Variants in PPARD observed in about 807,000 individuals in gnomAD.
The protein encoded by PPARD is peroxisome proliferator-activated receptor delta.
A neutral mutation model predicts 39.5 loss-of-function variants in PPARD; 6 were observed. The ratio of observed to expected loss-of-function variants is 0.15; its 90% CI spans 0.08 to 0.30. PPARD has a LOEUF of 0.30. Among genes scored for constraint, PPARD ranks in the 10% least tolerant of loss-of-function variants. The probability of loss-of-function intolerance (pLI) is 1.00; values close to 1 mark genes in which losing one functional copy is unlikely to be tolerated. For synonymous variants in PPARD, 210 were observed against 231.3 expected, an observed-to-expected ratio of 0.91 and a Z score of 0.83; for missense variants, 397 against 596.8, an observed-to-expected ratio of 0.67 and a Z score of 3.49.
Position 35,418,212 on chromosome 6 carries a change from G to A in PPARD, c.131-1915G>A, listed in dbSNP as rs138230457. Among the ~76,000 whole-genome samples the A allele has an allele frequency of 4.0e-3, 607 of 152,382 alleles. 4 individuals are homozygous for A. The highest frequency in any genetic ancestry group is 0.013 in the African/African-American group (542 of 41,588). On this transcript the variant is annotated intron_variant, in intron 3 of 7. Transcript: ENST00000360694. Reference sequence around the variant, plus strand: ...CGAGCATATGCTCACGGACTGCACAGATTCAAGGAGGAAGTGCCAGAAACC... The same window carrying A: ...CGAGCATATGCTCACGGACTGCACAAATTCAAGGAGGAAGTGCCAGAAACC...
At position 35,401,533 on chromosome 6, in the gene PPARD, C is replaced by T. The variant is rs1764692533; in HGVS notation, c.-101-9454C>T. ...CTTACCCTTCAAGACGCTGAGTGACCTCTAGCCACAGCCCTTCTCTCTACC... is the reference window on the plus strand; with the variant it reads ...CTTACCCTTCAAGACGCTGAGTGACTTCTAGCCACAGCCCTTCTCTCTACC... On this transcript the variant is annotated intron_variant, in intron 2 of 7. Coordinates refer to ENST00000360694, the MANE Select transcript of PPARD (RefSeq NM_006238.5). The surrounding 1 kb of genome is among the most constrained non-coding windows in gnomAD (Gnocchi z 4.1). Among the ~76,000 whole-genome samples, 1 of 152,172 alleles carries T rather than the reference C, an allele frequency of 6.6e-6. No individual in the cohort carries two copies. The highest frequency in any genetic ancestry group is 2.4e-5 in the African/African-American group (1 of 41,428).
chr6:35,397,886 G>C lies in PPARD; in HGVS notation c.-101-13101G>C, dbSNP rs1246103768. Among the ~76,000 whole-genome samples, 3 of 152,322 alleles carry C rather than the reference G, an allele frequency of 2.0e-5. No homozygotes were observed. In the South Asian group the frequency reaches 6.2e-4, roughly 32 times the overall value. On this transcript the variant is annotated intron_variant, in intron 2 of 7. Coordinates refer to ENST00000360694, the MANE Select transcript of PPARD (RefSeq NM_006238.5). ...CACTGAGATGGCCACATTTGAGAAA[G>C]GACCTGAAGAAGGTGAGGCAGTGAG...
chr6:35,422,580 G>A (rs551406823), intron 5 of PPARD, among the ~76,000 whole-genome samples: 39 of 152,266 alleles, frequency 2.6e-4, no homozygotes, highest in African/African-American at 8.2e-4. Flanking sequence ...AGAGGACAGG[G>A]GAGAGCCTCT....
At chr6:35,361,599 G>A (rs1360484859) in intron 2 of PPARD, among the ~76,000 whole-genome samples, 1 of 152,240 alleles carries the variant, frequency 6.6e-6, no homozygotes, top group Non-Finnish European at 1.5e-5. Flanking sequence ...TCCAGTGATT[G>A]TTTGTGGAGC....
chr6:35,342,840 TGCTCCGGCCC>T (rs1463058494), intron 1 of PPARD, among the ~76,000 whole-genome samples, 159 bp downstream of exon 1: 1 of 152,172 alleles, frequency 6.6e-6, no homozygotes, highest in East Asian at 1.9e-4. Context: ...GGCTTCCTGA[TGCTCCGGCCC>T]GCTCCGGTCA....
At chr6:35,404,149 A>G (rs1351078820) in intron 2 of PPARD, among the ~76,000 whole-genome samples, 1 of 152,158 alleles carries the variant, frequency 6.6e-6, no homozygotes, top group Admixed American at 6.5e-5. Flanking sequence ...CTTACCCAGC[A>G]CCATATATGA....
intron 1 of PPARD, among the ~76,000 whole-genome samples, chr6:35,343,070 C>T (rs116213531): frequency 0.017 from 2,609 of 152,274 alleles, 31 homozygotes; most frequent in Admixed American, 0.025. Context: ...TGCCTCTGAC[C>T]TCTTCCTTCA....
intron 5 of PPARD, among the ~76,000 whole-genome samples, chr6:35,423,571 T>C (rs1305803463): frequency 6.7e-6 from 1 of 148,934 alleles, no homozygotes; most frequent in African/African-American, 2.5e-5. Flanking sequence ...AGTGAAGGAG[T>C]CTGCCCCAAG....
At chr6:35,348,359 G>A in intron 2 of PPARD, 1 of 985,386 alleles carries the variant, frequency 1.0e-6, no homozygotes, top group South Asian at 4.7e-5. Flanking sequence ...TTCCATCTCT[G>A]CAGGGGTAGG....
chr6:35,420,371 G>A, intron 4 of PPARD, 90 bp downstream of exon 4: 1 of 1,464,752 alleles, frequency 6.8e-7, no homozygotes, highest in Non-Finnish European at 9.1e-7. Context: ...CCTTGGGGTG[G>A]GGCCCTGACT....
chr6:35,367,801 G>T (rs1762283307), intron 2 of PPARD, among the ~76,000 whole-genome samples: 1 of 152,244 alleles, frequency 6.6e-6, no homozygotes, highest in Non-Finnish European at 1.5e-5. Flanking sequence ...GGCCAAGACA[G>T]TGGAAGCCAG....
Position 35,426,023 on chromosome 6 carries a change from G to A in PPARD, c.1270G>A (p.Glu424Lys). The A allele has an allele frequency of 6.2e-7, 1 of 1,613,956 alleles. No homozygotes were observed. The highest frequency in any genetic ancestry group is 8.5e-7 in the Non-Finnish European group (1 of 1,180,024). Residue 424 changes from glutamate to lysine, a missense_variant, in exon 8 of 8, where the codon GAA becomes AAA. Coordinates refer to ENST00000360694, the MANE Select transcript of PPARD (RefSeq NM_006238.5). ...GATGATGCAGCGGATCAAGAAGACC[G>A]AAACCGAGACCTCGCTGCACCCTCT... ...AQMMQRIKKT[E>K]TETSLHPLLQ...
intron 2 of PPARD, among the ~76,000 whole-genome samples, chr6:35,406,527 TA>T (rs1241718144): frequency 6.6e-6 from 1 of 152,096 alleles, no homozygotes. Context: ...CAGTTCAATC[TA>T]AATAGGAGCA....
chr6:35,366,495 T>C lies in PPARD; in HGVS notation c.-102+19345T>C, dbSNP rs1168977014. Among the ~76,000 whole-genome samples, 1 of 151,450 alleles carries C rather than the reference T, an allele frequency of 6.6e-6. No homozygotes were observed. The highest frequency in any genetic ancestry group is 1.9e-4 in the East Asian group (1 of 5,200). ...GGAGAGAGATACACAGGCAGAGGCCTAGATTAGGAGATGGCTATAGTAGTA... is the reference window on the plus strand; with the variant it reads ...GGAGAGAGATACACAGGCAGAGGCCCAGATTAGGAGATGGCTATAGTAGTA... On this transcript the variant is annotated intron_variant, in intron 2 of 7. Transcript: ENST00000360694. This position sits in a 1 kb window ranked among gnomAD's most constrained non-coding sequence, Gnocchi z 4.6.
At chr6:35,420,489 G>T (rs537102439) in intron 4 of PPARD, among the ~76,000 whole-genome samples, 2 of 152,312 alleles carry the variant, frequency 1.3e-5, no homozygotes, top group South Asian at 2.1e-4. Flanking sequence ...AGCCTACCCT[G>T]CTGGGCACCT....
intron 1 of PPARD, among the ~76,000 whole-genome samples, chr6:35,344,140 A>G (rs1792032786): frequency 6.6e-6 from 1 of 152,030 alleles, no homozygotes; most frequent in Non-Finnish European, 1.5e-5. Context: ...TGTGCCTCTG[A>G]TGTTGGTCAC....
At chr6:35,394,719 C>G (rs568173914) in intron 2 of PPARD, among the ~76,000 whole-genome samples, 1 of 150,888 alleles carries the variant, frequency 6.6e-6, no homozygotes, top group Non-Finnish European at 1.5e-5. Flanking sequence ...TCCAGTGAGC[C>G]GAGATCATGC....
intron 2 of PPARD, among the ~76,000 whole-genome samples, chr6:35,383,425 A>T (rs1156876969): frequency 6.6e-6 from 1 of 152,168 alleles, no homozygotes; most frequent in African/African-American, 2.4e-5. Context: ...CAAAGTGCTG[A>T]GATTGCAGCC....
chr6:35,381,431 A>G (rs1291250467), intron 2 of PPARD, among the ~76,000 whole-genome samples: 1 of 152,204 alleles, frequency 6.6e-6, no homozygotes, highest in African/African-American at 2.4e-5. Flanking sequence ...TTAAACCAGT[A>G]GAAATTTTTT....
Sources: allele counts gnomAD v4.1 joint callset (sites outside exome capture counted in the v4.1 genomes callset), GRCh38; gene constraint gnomAD v4.1.1; non-coding constraint Gnocchi (gnomAD v3.1); transcripts MANE v1.5; gene names NCBI Gene and HGNC (gene_info 2026-07-23, HGNC 2026-07-21).